PPARGC1A: variants seen among roughly 807,000 people sequenced by gnomAD.
The protein encoded by PPARGC1A is peroxisome proliferator-activated receptor gamma coactivator 1-alpha.
Under a neutral mutation model 88.7 loss-of-function variants are expected in PPARGC1A, and 25 were observed. The ratio of observed to expected loss-of-function variants is 0.28; its 90% confidence interval spans 0.21 to 0.39. PPARGC1A has a LOEUF of 0.39. Among genes scored for constraint, PPARGC1A ranks in the 10% least tolerant of loss-of-function variants. The pLI, the probability that PPARGC1A is intolerant of heterozygous loss-of-function variation, is 1.00. For synonymous variants in PPARGC1A, 363 were observed against 355.6 expected, an observed-to-expected ratio of 1.02 and a Z score of -0.24; for missense variants, 880 against 968.7, an observed-to-expected ratio of 0.91 and a Z score of 1.22.
the PPARGC1A span, among the ~76,000 whole-genome samples, chr4:24,393,747 A>G: frequency 6.6e-6 from 1 of 152,216 alleles, no homozygotes. Flanking sequence ...CATCTGTACT[A>G]GTATTTGCTT....
At chr4:24,204,585 T>C in the PPARGC1A span, among the ~76,000 whole-genome samples, 4 of 152,124 alleles carry the variant, frequency 2.6e-5, no homozygotes, top group African/African-American at 9.7e-5. Flanking sequence ...CACATCCACA[T>C]AACCCTGAGA....
rs571872692 is a variant in PPARGC1A at position 23,808,143 on chromosome 4, C to T, written c.2019+4604G>A. On this transcript the variant is annotated intron_variant, in intron 10 of 12. Transcript: ENST00000264867. ...GTGGATACCTGTAGTCCCAGCTACT[C>T]GGGAGGCTGAGGCAGAAGAATGGCG... Among the ~76,000 whole-genome samples the T allele has an allele frequency of 3.3e-5, 5 of 149,428 alleles. No homozygotes were observed. In the South Asian group the frequency reaches 6.5e-4, roughly 19 times the overall value.
At chr4:24,237,698 A>C in the PPARGC1A span, among the ~76,000 whole-genome samples, 3 of 152,186 alleles carry the variant, frequency 2.0e-5, no homozygotes, top group Non-Finnish European at 2.9e-5. Context: ...TCAACAGAGA[A>C]TGAAAACGTT....
chr4:24,314,710 TTTG>T, the PPARGC1A span, among the ~76,000 whole-genome samples: 2 of 152,222 alleles, frequency 1.3e-5, no homozygotes, highest in African/African-American at 4.8e-5. Context: ...TATTTTATTA[TTTG>T]TTTTTAATTT....
intron 2 of PPARGC1A, among the ~76,000 whole-genome samples, chr4:23,849,774 T>A (rs955969373): frequency 3.9e-5 from 6 of 152,086 alleles, no homozygotes; most frequent in Non-Finnish European, 8.8e-5. Context: ...CTTTACTCAT[T>A]TATTCCTTCT....
the PPARGC1A span, among the ~76,000 whole-genome samples, chr4:24,054,308 T>TAA: frequency 0.093 from 12,491 of 134,796 alleles, 1,343 homozygotes; most frequent in African/African-American, 0.26. Flanking sequence ...ATCCTTCTTG[T>TAA]AAAAAAAAAA....
the PPARGC1A span, among the ~76,000 whole-genome samples, chr4:23,949,402 C>A: frequency 2.6e-5 from 4 of 152,084 alleles, no homozygotes; most frequent in African/African-American, 9.7e-5. Flanking sequence ...GTACAGGTAG[C>A]GGCTGGCTAT....
At chr4:24,376,809 GTA>G in the PPARGC1A span, among the ~76,000 whole-genome samples, 1 of 152,156 alleles carries the variant, frequency 6.6e-6, no homozygotes, top group Non-Finnish European at 1.5e-5. Flanking sequence ...GTTATGTGTT[GTA>G]TTTGTAGGTT....
chr4:23,967,004 C>A, the PPARGC1A span, among the ~76,000 whole-genome samples: 1 of 152,152 alleles, frequency 6.6e-6, no homozygotes, highest in East Asian at 1.9e-4. Flanking sequence ...TACCTCTCAG[C>A]CTTGTTGACA....
the PPARGC1A span, among the ~76,000 whole-genome samples, chr4:24,296,191 A>G: frequency 1.4e-5 from 2 of 147,690 alleles, no homozygotes; most frequent in South Asian, 2.1e-4. Context: ...GTATGTGTGT[A>G]TGTGTGTGTG....
At chr4:24,450,860 G>A in the PPARGC1A span, among the ~76,000 whole-genome samples, 5 of 152,160 alleles carry the variant, frequency 3.3e-5, no homozygotes, top group African/African-American at 7.2e-5. Flanking sequence ...CAGTGGAAAT[G>A]TACCTCTCTG....
chr4:24,419,225 A>T, the PPARGC1A span, among the ~76,000 whole-genome samples: 1 of 151,720 alleles, frequency 6.6e-6, no homozygotes, highest in Non-Finnish European at 1.5e-5. Flanking sequence ...CCAAAGAAAA[A>T]GGCACACAGG....
At chr4:24,334,379 C>G in the PPARGC1A span, among the ~76,000 whole-genome samples, 2 of 152,150 alleles carry the variant, frequency 1.3e-5, no homozygotes. Context: ...AGTGAATTAA[C>G]TTTTCTGTGG....
chr4:23,795,234 G>C lies in PPARGC1A; in HGVS notation c.*588C>G, dbSNP rs768788268. 13 of 147,538 alleles carry C rather than the reference G, an allele frequency of 8.8e-5. No individual in the cohort carries two copies. Among genetic ancestry groups the C allele is most frequent in the Non-Finnish European group, 1.6e-4 (11 of 66,884 alleles). 9.1% of individuals were successfully genotyped at this position (147,538 alleles called of 1,614,324 possible). ...CAGACATCAGCGGCTGTCATTTTAG[G>C]GTGGTTTGTGGTTGGTTGGTTGGTT... is the stretch of plus-strand genomic sequence containing the variant. On this transcript the variant is annotated 3_prime_UTR_variant, in exon 13 of 13. Coordinates refer to ENST00000264867, the MANE Select transcript of PPARGC1A (RefSeq NM_013261.5).
At chr4:23,866,593 T>A (rs1455311418) in intron 2 of PPARGC1A, among the ~76,000 whole-genome samples, 2 of 152,202 alleles carry the variant, frequency 1.3e-5, no homozygotes, top group Non-Finnish European at 2.9e-5. Context: ...GACAGCTTAT[T>A]GGCTTAGTTT....
the PPARGC1A span, among the ~76,000 whole-genome samples, chr4:24,093,304 C>T: frequency 2.0e-5 from 3 of 152,194 alleles, no homozygotes; most frequent in South Asian, 2.1e-4. Context: ...TACAGCACCT[C>T]GGTCAATTGT....
At chr4:24,387,807 AG>A in the PPARGC1A span, among the ~76,000 whole-genome samples, 1 of 115,932 alleles carries the variant, frequency 8.6e-6, no homozygotes, top group Non-Finnish European at 1.9e-5. Flanking sequence ...AAAGAAAGAA[AG>A]AAAGAAAGAA....
At chr4:24,171,986 A>T in the PPARGC1A span, among the ~76,000 whole-genome samples, 1 of 152,174 alleles carries the variant, frequency 6.6e-6, no homozygotes, top group Non-Finnish European at 1.5e-5. Context: ...ATGACTTTCC[A>T]TAATGTAAGT....
At chr4:24,122,413 G>GCA in the PPARGC1A span, among the ~76,000 whole-genome samples, 29 of 124,832 alleles carry the variant, frequency 2.3e-4, no homozygotes, top group African/African-American at 8.9e-4. Flanking sequence ...GTGTGTGTGT[G>GCA]TGCATATATA....
Sources: gnomAD v4.1 joint callset for allele counts (sites outside exome capture counted in the v4.1 genomes callset) on GRCh38, gnomAD v4.1.1 for gene constraint, MANE v1.5 for transcripts, NCBI Gene and HGNC (gene_info 2026-07-23, HGNC 2026-07-21) for gene names.